RGS20: variants seen among roughly 807,000 people sequenced by gnomAD.
RGS20 encodes gz-selective GTPase-activating protein.
RGS20 carries 30 observed loss-of-function variants against 33.6 expected under a neutral mutation model. The ratio of observed to expected loss-of-function variants is 0.89; its 90% CI spans 0.67 to 1.21. The LOEUF is 1.21. Ranked by LOEUF, RGS20 falls within the 50% of genes most tolerant of loss-of-function variation. RGS20 has a pLI of 0.00. For missense variants in RGS20, 472 were observed against 502.4 expected (o/e 0.94, Z 0.58); for synonymous variants, 208 against 197.9 (o/e 1.05, Z -0.43).
rs1299656653 is a variant in RGS20, at chr8:53,852,036, G to A, written c.137G>A (p.Gly46Glu). Reference sequence around the variant, plus strand: ...ATTCACCAAATCACAGAAAATGAAGGAGACCTCAGGGCTGTTCCTGATATC... The same window carrying A: ...ATTCACCAAATCACAGAAAATGAAGAAGACCTCAGGGCTGTTCCTGATATC... The change falls in exon 1 of 6, where the codon GGA becomes GAA. Residue 46 changes from glycine to glutamate, a missense_variant. By Grantham distance (98) the Gly-to-Glu change is moderately conservative. Coordinates refer to ENST00000297313, the MANE Select transcript of RGS20 (RefSeq NM_170587.4). 6.2e-7 allele frequency: 1 copy of A among 1,613,976 alleles called. No individual in the cohort carries two copies. The highest frequency in any genetic ancestry group is 2.2e-5 in the East Asian group (1 of 44,880).
At chr8:53,886,094 C>T (rs1812535686) in intron 2 of RGS20, among the ~76,000 whole-genome samples, 1 of 152,194 alleles carries the variant, frequency 6.6e-6, no homozygotes, top group South Asian at 2.1e-4. Flanking sequence ...CAAACAAGTA[C>T]AGTGTCAGTC....
At chr8:53,943,945 CAA>C (rs1484598412) in intron 3 of RGS20, among the ~76,000 whole-genome samples, 1 of 151,432 alleles carries the variant, frequency 6.6e-6, no homozygotes, top group African/African-American at 2.4e-5. Flanking sequence ...AGAAAGAAGT[CAA>C]AAGGGTTCCT....
At chr8:53,894,535 C>A (rs879522156) in intron 2 of RGS20, among the ~76,000 whole-genome samples, 1 of 152,184 alleles carries the variant, frequency 6.6e-6, no homozygotes, top group Non-Finnish European at 1.5e-5. Flanking sequence ...AACAGCAGAC[C>A]TTCTGGGAAA....
Position 53,958,568 on chromosome 8 carries a change from C to T in RGS20, c.*110C>T. 2.0e-6 allele frequency: 1 copy of T among 497,718 alleles called. No individual in the cohort carries two copies. The highest frequency in any genetic ancestry group is 8.3e-5 in the South Asian group (1 of 12,012). The allele number at this position is 497,718 out of a possible 1,614,324, so 30.8% of individuals were successfully genotyped here. On this transcript the variant is annotated 3_prime_UTR_variant, in exon 6 of 6. Coordinates refer to ENST00000297313, the MANE Select transcript of RGS20 (RefSeq NM_170587.4). ...ATCTTCTGCTGGAGTAATACTCAGG[C>T]TATTCTAATAACAGATGATTCCTTC...
intron 5 of RGS20, 133 bp downstream of exon 4, chr8:53,954,443 C>T (rs1814801209): frequency 1.7e-6 from 1 of 591,650 alleles, no homozygotes; most frequent in Non-Finnish European, 3.0e-6. Context: ...GCGGGCGGAT[C>T]ACCTGAGGTG....
At chr8:53,857,747 A>G (rs1483542) in intron 1 of RGS20, among the ~76,000 whole-genome samples, 22,465 of 152,228 alleles carry the variant, frequency 0.15, 3,624 homozygotes, top group African/African-American at 0.38. Context: ...TCGGGATGCC[A>G]AGCCAGTAAA....
chr8:53,895,821 A>G (rs958542853), intron 2 of RGS20, among the ~76,000 whole-genome samples: 4 of 151,488 alleles, frequency 2.6e-5, no homozygotes, highest in Non-Finnish European at 4.4e-5. Flanking sequence ...ATTTCCTTGT[A>G]TTTTTAGTAG....
At chr8:53,934,308 A>G (rs1298497637) in intron 2 of RGS20, among the ~76,000 whole-genome samples, 2 of 152,220 alleles carry the variant, frequency 1.3e-5, no homozygotes, top group African/African-American at 4.8e-5. Flanking sequence ...AAAGATGCAG[A>G]CTGGCAGATT....
intron 1 of RGS20, among the ~76,000 whole-genome samples, chr8:53,869,762 A>T (rs1410140359): frequency 6.6e-6 from 1 of 152,224 alleles, no homozygotes; most frequent in Non-Finnish European, 1.5e-5. Context: ...GGCTACACAC[A>T]CCAAGAGAAC....
chr8:53,915,098 C>T lies in RGS20; in HGVS notation c.511-24478C>T, dbSNP rs201381614. Among the ~76,000 whole-genome samples the T allele has an allele frequency of 6.2e-4, 94 of 151,550 alleles. 2 individuals are homozygous for T. The East Asian group carries it at 0.015, about 25-fold the overall frequency. ...AGGCGAGGTTGCAGTGAGCCGAGAT[C>T]GCGCCACTGCACTTCCAGCCTGGGC... On this transcript the variant is annotated intron_variant, in intron 2 of 5. Coordinates refer to ENST00000297313, the MANE Select transcript of RGS20 (RefSeq NM_170587.4).
At chr8:53,866,453 T>G (rs1811921322) in intron 1 of RGS20, among the ~76,000 whole-genome samples, 1 of 151,934 alleles carries the variant, frequency 6.6e-6, no homozygotes, top group Non-Finnish European at 1.5e-5. Flanking sequence ...CTCGGCTCAC[T>G]GCAACCTCCG....
Position 53,852,005 on chromosome 8 carries a change from A to G in RGS20, c.106A>G (p.Thr36Ala). 1 of 1,614,160 alleles carries G rather than the reference A, an allele frequency of 6.2e-7. No individual in the cohort carries two copies. Among genetic ancestry groups the G allele is most frequent in the Non-Finnish European group, 8.5e-7 (1 of 1,180,002 alleles). ...CCTGTTCAGGGCTCAGAGATATAATACAGACATTCACCAAATCACAGAAAA... is the reference window on the plus strand; with the variant it reads ...CCTGTTCAGGGCTCAGAGATATAATGCAGACATTCACCAAATCACAGAAAA... Residue 36 changes from threonine to alanine, a missense_variant, in exon 1 of 6, where the codon ACA becomes GCA. Thr to Ala is a moderately conservative substitution (Grantham distance 58). Coordinates refer to ENST00000297313, the MANE Select transcript of RGS20 (RefSeq NM_170587.4).
At chr8:53,900,308 A>C (rs1306279647) in intron 2 of RGS20, among the ~76,000 whole-genome samples, 1 of 151,926 alleles carries the variant, frequency 6.6e-6, no homozygotes, top group Non-Finnish European at 1.5e-5. Context: ...TGCCTGGCTG[A>C]TTTTTAAATT....
At chr8:53,925,706 G>T (rs974579077) in intron 2 of RGS20, among the ~76,000 whole-genome samples, 3 of 152,064 alleles carry the variant, frequency 2.0e-5, no homozygotes, top group African/African-American at 7.2e-5. Flanking sequence ...TTGCACTTTA[G>T]CCTGGGCAAC....
intron 2 of RGS20, among the ~76,000 whole-genome samples, chr8:53,898,828 G>A (rs73680356): frequency 0.16 from 24,498 of 152,220 alleles, 5,753 homozygotes; most frequent in African/African-American, 0.52. Context: ...TCTAGGCCAA[G>A]GAGCACTGCA....
rs1814938789 is a variant in RGS20 at position 53,958,413 on chromosome 8, T to TA, written c.1124dup (p.Asp376GlyfsTer12). 1 of 1,610,930 alleles carries TA rather than the reference T, an allele frequency of 6.2e-7. No individual in the cohort carries two copies. Among genetic ancestry groups the TA allele is most frequent in the African/African-American group, 1.3e-5 (1 of 74,868 alleles). On this transcript the variant is annotated frameshift_variant, in exon 6 of 6. Coordinates refer to ENST00000297313, the MANE Select transcript of RGS20 (RefSeq NM_170587.4). LOFTEE classifies it high-confidence loss of function. ...CTCGATTCATGAACTCTGCTGTCTA[T>TA]AAGGACTTGCTTCAGTCCTTATCGG...
At chr8:53,952,601 C>G (rs185897930) in intron 4 of RGS20, among the ~76,000 whole-genome samples, 43 of 151,720 alleles carry the variant, frequency 2.8e-4, no homozygotes, top group Middle Eastern at 3.4e-3. Context: ...TGGTAAGCAC[C>G]TGTAATCCCA....
At chr8:53,924,170 A>G (rs958324823) in intron 2 of RGS20, among the ~76,000 whole-genome samples, 1 of 151,896 alleles carries the variant, frequency 6.6e-6, no homozygotes, top group Non-Finnish European at 1.5e-5. Context: ...GACGTGTGCC[A>G]TCAGACCCAG....
chr8:53,880,692 T>C (rs1365104934), intron 2 of RGS20, among the ~76,000 whole-genome samples, 180 bp from the exon 1 acceptor site: 3 of 151,866 alleles, frequency 2.0e-5, no homozygotes, highest in Admixed American at 2.0e-4. Context: ...ATCCACACTC[T>C]TGGGACTTGC....
Sources: gnomAD v4.1 joint callset for allele counts (sites outside exome capture counted in the v4.1 genomes callset) on GRCh38, gnomAD v4.1.1 for gene constraint, MANE v1.5 for transcripts, NCBI Gene and HGNC (gene_info 2026-07-23, HGNC 2026-07-21) for gene names.